Variants in DIS3L2 observed in about 807,000 individuals in gnomAD.
The protein encoded by DIS3L2 is DIS3-like exonuclease 2.
Under a neutral mutation model 97.5 loss-of-function variants are expected in DIS3L2, and 34 were observed. The observed-to-expected ratio is 0.35, with a 90% CI of 0.27 to 0.46. DIS3L2 has a LOEUF of 0.46. DIS3L2 is among the 20% of genes least tolerant of loss of function. DIS3L2 has a pLI of 1.00. For missense variants in DIS3L2, 1,038 were observed against 1,146.0 expected (o/e 0.91, Z 1.36); for synonymous variants, 435 against 445.2 (o/e 0.98, Z 0.29).
chr2:232,229,954 C>G (rs1235947070), intron 10 of DIS3L2, among the ~76,000 whole-genome samples: 1 of 152,124 alleles, frequency 6.6e-6, no homozygotes, highest in Non-Finnish European at 1.5e-5. Context: ...CTATGCTACC[C>G]CCTCCTCATG....
intron 12 of DIS3L2, among the ~76,000 whole-genome samples, chr2:232,258,433 A>G (rs1046155682): frequency 5.9e-5 from 9 of 152,002 alleles, no homozygotes; most frequent in African/African-American, 2.2e-4. Context: ...AAATACAGAA[A>G]ATGAGCCGGG....
At chr2:232,343,306 C>A in intron 13 of DIS3L2, 2 of 1,529,470 alleles carry the variant, frequency 1.3e-6, no homozygotes, top group Non-Finnish European at 1.8e-6. Flanking sequence ...CCACATGAAA[C>A]CGCGCCTCCT....
intron 13 of DIS3L2, among the ~76,000 whole-genome samples, chr2:232,280,349 G>A (rs868428053): frequency 2.7e-4 from 41 of 152,196 alleles, no homozygotes; most frequent in African/African-American, 9.4e-4. Flanking sequence ...GCATCAAACT[G>A]AAGATTGTAT....
intron 5 of DIS3L2, among the ~76,000 whole-genome samples, chr2:232,043,175 A>G (rs530785785): frequency 6.6e-6 from 1 of 152,270 alleles, no homozygotes; most frequent in African/African-American, 2.4e-5. Context: ...CATCAAGATC[A>G]TCTAGGGGCT....
At chr2:232,205,071 G>A (rs558462595) in intron 9 of DIS3L2, among the ~76,000 whole-genome samples, 15 of 152,040 alleles carry the variant, frequency 9.9e-5, no homozygotes, top group African/African-American at 3.1e-4. Flanking sequence ...CAAGAGGTTC[G>A]TTCTCTTAGT....
At chr2:232,300,187 A>T in intron 14 of DIS3L2, 68 bp downstream of exon 14, 1 of 1,461,226 alleles carries the variant, frequency 6.8e-7, no homozygotes, top group Non-Finnish European at 9.6e-7. Context: ...GGGCTTTCTG[A>T]CACTGAGCTT....
intron 8 of DIS3L2, among the ~76,000 whole-genome samples, chr2:232,140,112 A>G (rs1355279765): frequency 1.3e-5 from 2 of 152,174 alleles, no homozygotes; most frequent in Non-Finnish European, 2.9e-5. Context: ...GTATGTTCAT[A>G]GTTCCAAACT....
chr2:232,075,582 A>G (rs1314104388), intron 5 of DIS3L2, among the ~76,000 whole-genome samples: 1 of 152,118 alleles, frequency 6.6e-6, no homozygotes, highest in Non-Finnish European at 1.5e-5. Flanking sequence ...GTCCTCCAAG[A>G]CACTTCTAGT....
chr2:232,245,436 C>T (rs1269090038), intron 11 of DIS3L2, among the ~76,000 whole-genome samples: 4 of 152,190 alleles, frequency 2.6e-5, no homozygotes, highest in African/African-American at 7.2e-5. Flanking sequence ...TTCACAGTGA[C>T]CCTGGCAGGA....
chr2:232,103,684 TG>T (rs1697272689), intron 6 of DIS3L2, among the ~76,000 whole-genome samples: 1 of 152,156 alleles, frequency 6.6e-6, no homozygotes, highest in Non-Finnish European at 1.5e-5. Flanking sequence ...TAGGAAGAAT[TG>T]GGGAGCTTTT....
At chr2:232,069,736 C>T (rs568852499) in intron 5 of DIS3L2, among the ~76,000 whole-genome samples, 1 of 152,224 alleles carries the variant, frequency 6.6e-6, no homozygotes, top group South Asian at 2.1e-4. Context: ...TACTGGTATC[C>T]TTGCATCCTT....
chr2:232,143,830 TA>T (rs1007194776), intron 8 of DIS3L2, among the ~76,000 whole-genome samples: 6 of 152,056 alleles, frequency 3.9e-5, no homozygotes, highest in Admixed American at 3.9e-4. Flanking sequence ...TCCTGTATCC[TA>T]AACCATAATT....
chr2:232,228,729 A>G (rs538138885), intron 10 of DIS3L2, among the ~76,000 whole-genome samples: 1 of 152,326 alleles, frequency 6.6e-6, no homozygotes, highest in South Asian at 2.1e-4. Context: ...TGGGGTGGAC[A>G]TAGCATTTTG....
chr2:232,115,462 A>G (rs974039570), intron 6 of DIS3L2, among the ~76,000 whole-genome samples: 6 of 152,228 alleles, frequency 3.9e-5, no homozygotes, highest in Admixed American at 6.5e-5. Flanking sequence ...GGAACCTGAG[A>G]ATCAGCTCCA....
At chr2:232,117,255 C>T (rs1697754058) in intron 6 of DIS3L2, among the ~76,000 whole-genome samples, 1 of 152,218 alleles carries the variant, frequency 6.6e-6, no homozygotes, top group African/African-American at 2.4e-5. Flanking sequence ...GGGGATCCAA[C>T]AAAATGTGGC....
chr2:232,275,709 T>C (rs1240769556), intron 13 of DIS3L2, among the ~76,000 whole-genome samples: 1 of 152,250 alleles, frequency 6.6e-6, no homozygotes, highest in Non-Finnish European at 1.5e-5. Flanking sequence ...CCTTTTTAAT[T>C]GCCCACATGT....
intron 6 of DIS3L2, among the ~76,000 whole-genome samples, chr2:232,124,463 G>C (rs1484869537): frequency 1.3e-5 from 2 of 152,112 alleles, no homozygotes; most frequent in African/African-American, 2.4e-5. Flanking sequence ...TCAGTGGATA[G>C]ATTTAACAGC....
chr2:232,039,579 G>C (rs149559296), intron 5 of DIS3L2, among the ~76,000 whole-genome samples: 1 of 152,134 alleles, frequency 6.6e-6, no homozygotes, highest in Non-Finnish European at 1.5e-5. Context: ...GTATCAAGCT[G>C]TGAGGCAATA....
chr2:232,329,785 T>TCCCGGGGGGGCCCCCCCC, intron 14 of DIS3L2, 28 bp from the exon 15 acceptor site: 10 of 967,136 alleles, frequency 1.0e-5, no homozygotes, highest in East Asian at 6.2e-5. Context: ...ACCCCAGCGG[T>TCCCGGGGGGGCCCCCCCC]CCCTCCCATC....
Sources: gnomAD v4.1 joint callset for allele counts (sites outside exome capture counted in the v4.1 genomes callset) on GRCh38, gnomAD v4.1.1 for gene constraint, MANE v1.5 for transcripts, NCBI Gene and HGNC (gene_info 2026-07-23, HGNC 2026-07-21) for gene names.